The following PPFIBP2 variants were observed in gnomAD, a reference collection of about 807,000 sequenced individuals.
The protein encoded by PPFIBP2 is PPFIB scaffold protein 2.
A neutral mutation model predicts 118.3 loss-of-function variants in PPFIBP2; 118 were observed. The ratio of observed to expected loss-of-function variants is 1.00; its 90% CI spans 0.86 to 1.16. The LOEUF (loss-of-function observed/expected upper bound fraction) is 1.16. Ranked by LOEUF, PPFIBP2 falls within the 50% of genes most tolerant of loss-of-function variation. PPFIBP2 has a pLI of 0.00. For missense variants in PPFIBP2, 1,195 were observed against 1,073.1 expected (o/e 1.11, Z -1.59); for synonymous variants, 414 against 397.4 (o/e 1.04, Z -0.50).
At chr11:7,664,111 G>A in the PPFIBP2 span, among the ~76,000 whole-genome samples, 8 of 152,136 alleles carry the variant, frequency 5.3e-5, no homozygotes, top group Non-Finnish European at 8.8e-5. Context: ...CGTCTTCTGC[G>A]TCGCTCACGC....
intron 7 of PPFIBP2, among the ~76,000 whole-genome samples, chr11:7,622,441 CTG>C (rs1849462822): frequency 1.3e-5 from 2 of 152,172 alleles, no homozygotes; most frequent in African/African-American, 2.4e-5. Flanking sequence ...CTCAGTGTCT[CTG>C]TCTCTTAATT....
At position 7,525,598 on chromosome 11, in the gene PPFIBP2, G is replaced by T. The variant is rs141480997; in HGVS notation, c.-37+11477G>T. Among the ~76,000 whole-genome samples the T allele has an allele frequency of 6.8e-4, 103 of 152,278 alleles. 1 individual carries two copies. Among genetic ancestry groups the T allele is most frequent in the Middle Eastern group, 3.4e-3 (1 of 294 alleles). On this transcript the variant is annotated intron_variant, in intron 1 of 23. Coordinates refer to ENST00000299492, the MANE Select transcript of PPFIBP2 (RefSeq NM_003621.5). Reference sequence around the variant, plus strand: ...GAGAACAGCCCGGAATCAGGTGGCTGGTCACCCACGTACAGGACAAAAGCA... The same window carrying T: ...GAGAACAGCCCGGAATCAGGTGGCTTGTCACCCACGTACAGGACAAAAGCA...
intron 15 of PPFIBP2, among the ~76,000 whole-genome samples, chr11:7,640,208 G>C (rs1173215637): frequency 6.6e-6 from 1 of 151,526 alleles, no homozygotes; most frequent in Non-Finnish European, 1.5e-5. Flanking sequence ...CCTCCTCTCA[G>C]ACACCCCCTT....
At chr11:7,652,200 G>A (rs550018239) in intron 23 of PPFIBP2, among the ~76,000 whole-genome samples, 9 of 152,352 alleles carry the variant, frequency 5.9e-5, no homozygotes, top group East Asian at 3.9e-4. Flanking sequence ...CCTGCGTGCC[G>A]CAATGCCGTG....
intron 2 of PPFIBP2, among the ~76,000 whole-genome samples, chr11:7,558,888 AG>A (rs1853971225): frequency 6.6e-6 from 1 of 152,258 alleles, no homozygotes; most frequent in African/African-American, 2.4e-5. Flanking sequence ...AAAAATTCTC[AG>A]GTGACCTCTA....
Position 7,642,125 on chromosome 11 carries a change from TCTGGCCAAGGAG to T in PPFIBP2, c.1518-169_1518-158del, listed in dbSNP as rs1345235730. On this transcript the variant is annotated intron_variant, in intron 16 of 23. Transcript: ENST00000299492. ...GGCAGGATCCGAATTGAGGCTTGAGTCTGGCCAAGGAGCTGCGACAGGTTGTGATCCTTGATC... is the reference window on the plus strand; with the variant it reads ...GGCAGGATCCGAATTGAGGCTTGAGTCTGCGACAGGTTGTGATCCTTGATC... The T allele has an allele frequency of 9.8e-6, 7 of 716,702 alleles. No homozygotes were observed. The African/African-American group carries it at 1.1e-4, about 11-fold the overall frequency. 44.4% of individuals were successfully genotyped at this position (716,702 alleles called of 1,614,324 possible).
At chr11:7,654,371 A>G (rs1854490306), downstream of PPFIBP2, among the ~76,000 whole-genome samples, 1 of 152,222 alleles carries the variant, frequency 6.6e-6, no homozygotes, top group African/African-American at 2.4e-5. Context: ...GCCCCCAGGC[A>G]GTGCTTGGCT....
intron 6 of PPFIBP2, among the ~76,000 whole-genome samples, chr11:7,614,228 T>A (rs1396663081): frequency 6.6e-6 from 1 of 152,172 alleles, no homozygotes; most frequent in African/African-American, 2.4e-5. Context: ...TAGCAAAAGG[T>A]CTCTTTCAAC....
At chr11:7,527,099 C>A (rs1456658199) in intron 1 of PPFIBP2, among the ~76,000 whole-genome samples, 2 of 151,102 alleles carry the variant, frequency 1.3e-5, no homozygotes, top group Non-Finnish European at 3.0e-5. Context: ...GGATCACTCC[C>A]TTCTATACCT....
At chr11:7,529,703 C>G (rs56023206) in intron 1 of PPFIBP2, among the ~76,000 whole-genome samples, 4,541 of 152,310 alleles carry the variant, frequency 0.03, 215 homozygotes, top group African/African-American at 0.1. Flanking sequence ...AATCCATTTC[C>G]CCAGCGGTGT....
chr11:7,552,697 G>T (rs1324669676), intron 2 of PPFIBP2, among the ~76,000 whole-genome samples: 1 of 152,114 alleles, frequency 6.6e-6, no homozygotes, highest in Admixed American at 6.5e-5. Flanking sequence ...GGCTTTCGTG[G>T]CCCTTTATGC....
intron 5 of PPFIBP2, among the ~76,000 whole-genome samples, chr11:7,606,359 G>A (rs151334688): frequency 1.2e-4 from 18 of 152,362 alleles, no homozygotes. Flanking sequence ...AGAGATCACA[G>A]TTCATAATAG....
intron 15 of PPFIBP2, among the ~76,000 whole-genome samples, chr11:7,640,764 T>G (rs1358153758): frequency 2.0e-5 from 3 of 152,170 alleles, no homozygotes; most frequent in African/African-American, 7.2e-5. Context: ...CCTGCTGCTG[T>G]CCCTTCCTTT....
At chr11:7,653,904 T>A, downstream of PPFIBP2, 1 of 805,334 alleles carries the variant, frequency 1.2e-6, no homozygotes, top group Non-Finnish European at 1.7e-6. Flanking sequence ...ACCAGGGGGG[T>A]AGAGCAAGGC....
intron 2 of PPFIBP2, among the ~76,000 whole-genome samples, chr11:7,557,081 C>T (rs1590227012): frequency 6.6e-6 from 1 of 152,134 alleles, no homozygotes; most frequent in East Asian, 1.9e-4. Context: ...TGGACCTTGT[C>T]CTCCTTTTTT....
intron 10 of PPFIBP2, 94 bp from the exon 11 acceptor site, chr11:7,630,831 A>T: frequency 1.1e-6 from 1 of 892,210 alleles, no homozygotes; most frequent in Non-Finnish European, 1.9e-6. Flanking sequence ...AGTCCTTCTT[A>T]ATGAAGGAGA....
At chr11:7,601,176 A>G (rs1191024228) in intron 5 of PPFIBP2, among the ~76,000 whole-genome samples, 1 of 152,210 alleles carries the variant, frequency 6.6e-6, no homozygotes, top group Non-Finnish European at 1.5e-5. Flanking sequence ...CTAGTTCATG[A>G]ACAATATACT....
intron 2 of PPFIBP2, among the ~76,000 whole-genome samples, chr11:7,561,820 G>A (rs972230784): frequency 1.3e-5 from 2 of 152,210 alleles, no homozygotes; most frequent in African/African-American, 2.4e-5. Context: ...TTAGTTGGGT[G>A]GTTCTGGCTT....
intron 6 of PPFIBP2, among the ~76,000 whole-genome samples, chr11:7,614,981 G>T (rs1212298712): frequency 2.6e-5 from 4 of 152,156 alleles, no homozygotes; most frequent in South Asian, 2.1e-4. Flanking sequence ...GCTACAAAAG[G>T]GTCTGCTTTA....
Sources: allele counts gnomAD v4.1 joint callset (sites outside exome capture counted in the v4.1 genomes callset), GRCh38; gene constraint gnomAD v4.1.1; transcripts MANE v1.5; gene names NCBI Gene and HGNC (gene_info 2026-07-23, HGNC 2026-07-21).